CTNNA2: variants seen among roughly 807,000 people sequenced by gnomAD.
CTNNA2 encodes the protein catenin alpha-2.
A neutral mutation model predicts 101.0 loss-of-function variants in CTNNA2; 42 were observed. That is an observed-to-expected ratio of 0.42 (90% CI 0.32 to 0.54). CTNNA2 has a LOEUF of 0.54. Ranked by LOEUF, CTNNA2 falls within the 20% of genes least tolerant of loss-of-function variation. The pLI, the probability that CTNNA2 is intolerant of heterozygous loss-of-function variation, is 0.14. For missense variants in CTNNA2, 871 were observed against 1,223.1 expected (o/e 0.71, Z 4.29); for synonymous variants, 450 against 456.4 (o/e 0.99, Z 0.18).
At chr2:79,734,911 A>G (rs1170709839) in intron 2 of CTNNA2, among the ~76,000 whole-genome samples, 3 of 152,176 alleles carry the variant, frequency 2.0e-5, no homozygotes, top group Non-Finnish European at 1.5e-5. Flanking sequence ...CAATAACCTT[A>G]GAGAATACAC....
intron 6 of CTNNA2, among the ~76,000 whole-genome samples, chr2:79,908,942 G>A (rs1387839678): frequency 6.6e-6 from 1 of 152,144 alleles, no homozygotes; most frequent in East Asian, 1.9e-4. Context: ...CTTCCTTTTA[G>A]GAAATATCAC....
At chr2:80,056,965 C>T (rs1697252902) in intron 7 of CTNNA2, among the ~76,000 whole-genome samples, 1 of 152,126 alleles carries the variant, frequency 6.6e-6, no homozygotes, top group South Asian at 2.1e-4. Flanking sequence ...AGAAAAGGTT[C>T]CTCTTGTGGT....
chr2:79,564,595 G>T (rs1674993324), intron 1 of CTNNA2, among the ~76,000 whole-genome samples: 2 of 152,114 alleles, frequency 1.3e-5, no homozygotes, highest in Admixed American at 1.3e-4. Context: ...GAATTCCATG[G>T]CATAAAAAGG....
intron 10 of CTNNA2, 118 bp from the exon 11 acceptor site, chr2:80,545,789 A>G: frequency 2.1e-6 from 2 of 943,386 alleles, no homozygotes; most frequent in Non-Finnish European, 3.1e-6. Context: ...TCTGAACACC[A>G]AGAACCCACT....
At chr2:79,901,282 T>G (rs2104280762) in intron 6 of CTNNA2, among the ~76,000 whole-genome samples, 1 of 152,122 alleles carries the variant, frequency 6.6e-6, no homozygotes, top group South Asian at 2.1e-4. Flanking sequence ...CATTTATTCT[T>G]TCTTCTGCTT....
intron 4 of CTNNA2, among the ~76,000 whole-genome samples, chr2:79,501,965 C>CT (rs59130555): frequency 0.063 from 8,062 of 128,764 alleles, 604 homozygotes; most frequent in African/African-American, 0.18. Flanking sequence ...GGATATTAGT[C>CT]TTTTTTTTTT....
At chr2:80,201,518 C>T (rs549985866) in intron 7 of CTNNA2, among the ~76,000 whole-genome samples, 3 of 151,782 alleles carry the variant, frequency 2.0e-5, no homozygotes, top group African/African-American at 4.8e-5. Flanking sequence ...GGACTACAGG[C>T]GCCTGCCACC....
At chr2:79,235,955 T>C (rs1209070788) in intron 2 of CTNNA2, among the ~76,000 whole-genome samples, 1 of 151,996 alleles carries the variant, frequency 6.6e-6, no homozygotes, top group Non-Finnish European at 1.5e-5. Context: ...AGTTTAGGCA[T>C]AAGCAGGACT....
At chr2:80,225,579 C>G (rs560452798) in intron 7 of CTNNA2, among the ~76,000 whole-genome samples, 1 of 152,246 alleles carries the variant, frequency 6.6e-6, no homozygotes, top group East Asian at 1.9e-4. Context: ...TTTTTGAAAA[C>G]ATTCTCCATT....
chr2:79,510,645 ACTGT>A (rs1348762782), upstream of CTNNA2, among the ~76,000 whole-genome samples: 2 of 152,182 alleles, frequency 1.3e-5, no homozygotes, highest in African/African-American at 4.8e-5. Context: ...ATTTCTTATC[ACTGT>A]CTGATTGACA....
At chr2:79,907,416 A>G (rs189145357) in intron 6 of CTNNA2, among the ~76,000 whole-genome samples, 1 of 152,236 alleles carries the variant, frequency 6.6e-6, no homozygotes, top group African/African-American at 2.4e-5. Context: ...GAGAGAGAGT[A>G]TGTGAGAGAA....
chr2:79,404,218 G>A (rs1304664130), intron 4 of CTNNA2, among the ~76,000 whole-genome samples: 1 of 151,914 alleles, frequency 6.6e-6, no homozygotes, highest in Non-Finnish European at 1.5e-5. Flanking sequence ...CAGTCACCAA[G>A]TACATGGTTG....
At chr2:80,384,447 C>CA (rs1187531987) in intron 7 of CTNNA2, among the ~76,000 whole-genome samples, 1 of 148,964 alleles carries the variant, frequency 6.7e-6, no homozygotes, top group African/African-American at 2.5e-5. Flanking sequence ...GATTCAAAAA[C>CA]AAAAAAAGGA....
At chr2:80,372,367 G>GTT (rs59415087) in intron 7 of CTNNA2, among the ~76,000 whole-genome samples, 86 of 139,428 alleles carry the variant, frequency 6.2e-4, no homozygotes, top group African/African-American at 1.6e-3. Context: ...TTTTAGAGAA[G>GTT]TTTTTTTTTT....
intron 9 of CTNNA2, among the ~76,000 whole-genome samples, chr2:80,497,357 A>T (rs1687554778): frequency 6.6e-6 from 1 of 152,214 alleles, no homozygotes; most frequent in Admixed American, 6.5e-5. Flanking sequence ...TGCCTGGGTT[A>T]GAAAGGCAAG....
rs185861133 is a variant in CTNNA2 at position 80,325,005 on chromosome 2, T to C, written c.1057-68206T>C. Among the ~76,000 whole-genome samples the C allele has an allele frequency of 2.6e-5, 4 of 152,348 alleles. No individual in the cohort carries two copies. The East Asian group carries it at 5.8e-4, about 22-fold the overall frequency. ...ATTACTACTGGATATTATGTTCCTA[T>C]GTATGTATATTTCTCTCTCTTCCCC... is the stretch of plus-strand genomic sequence containing the variant. On this transcript the variant is annotated intron_variant, in intron 7 of 18. Coordinates refer to ENST00000402739, the MANE Select transcript of CTNNA2 (RefSeq NM_001282597.3).
At chr2:79,289,081 A>G (rs927377136) in intron 2 of CTNNA2, among the ~76,000 whole-genome samples, 7 of 152,318 alleles carry the variant, frequency 4.6e-5, no homozygotes, top group South Asian at 2.1e-4. Context: ...TTTTCCAAGG[A>G]CAGAGTCTAA....
At chr2:80,513,687 G>T (rs1688887213) in intron 9 of CTNNA2, among the ~76,000 whole-genome samples, 1 of 152,146 alleles carries the variant, frequency 6.6e-6, no homozygotes, top group Non-Finnish European at 1.5e-5. Flanking sequence ...TTTTAGCAAA[G>T]GAGTAACACG....
intron 4 of CTNNA2, among the ~76,000 whole-genome samples, chr2:79,465,638 T>G (rs2104540221): frequency 6.6e-6 from 1 of 152,344 alleles, no homozygotes; most frequent in Admixed American, 6.5e-5. Context: ...TCTATTTGTT[T>G]GTGTCCTCTT....
Sources: gnomAD v4.1 joint callset for allele counts (sites outside exome capture counted in the v4.1 genomes callset) on GRCh38, gnomAD v4.1.1 for gene constraint, MANE v1.5 for transcripts, NCBI Gene and HGNC (gene_info 2026-07-23, HGNC 2026-07-21) for gene names.